Variants in NLGN4Y observed in about 807,000 individuals in gnomAD.
NLGN4Y encodes neuroligin 4 Y-linked, also known as neuroligin-4, Y-linked.
In NLGN4Y, 4 loss-of-function variants were observed where a neutral mutation model predicts 8.4. That is an observed-to-expected ratio of 0.48 (90% CI 0.23 to 1.09). The LOEUF is 1.09. NLGN4Y is among the 50% of genes least tolerant of loss of function. The probability of loss-of-function intolerance (pLI) is 0.19; values close to 1 mark genes in which losing one functional copy is unlikely to be tolerated. For missense variants in NLGN4Y, 90 were observed against 192.3 expected (o/e 0.47, Z 3.15); for synonymous variants, 35 against 75.6 (o/e 0.46, Z 2.78).
intron 1 of NLGN4Y, among the ~76,000 whole-genome samples, chrY:14,551,642 C>T: frequency 9.0e-5 from 3 of 33,447 alleles, no homozygotes; most frequent in South Asian, 1.3e-3. Context: ...CAAAACTGCA[C>T]AACTACGTGG....
chrY:14,668,465 G>A (rs2080699411), intron 2 of NLGN4Y, among the ~76,000 whole-genome samples: 2 of 33,076 alleles, frequency 6.0e-5, no homozygotes, highest in Non-Finnish European at 1.5e-4. Flanking sequence ...CAAATGTTAC[G>A]CAAATAGTAT....
intron 1 of NLGN4Y, among the ~76,000 whole-genome samples, chrY:14,575,382 G>A (rs551418422): frequency 3.0e-5 from 1 of 33,037 alleles, no homozygotes; most frequent in African/African-American, 1.2e-4. Flanking sequence ...TGATCACATC[G>A]GCTACTGAGG....
At chrY:14,605,095 T>C (rs2150499954) in intron 1 of NLGN4Y, among the ~76,000 whole-genome samples, 1 of 32,644 alleles carries the variant, frequency 3.1e-5, no homozygotes, top group South Asian at 6.8e-4. Context: ...GAGGTGCAGA[T>C]GATTCTGTCA....
At chrY:14,679,174 A>AT in intron 2 of NLGN4Y, among the ~76,000 whole-genome samples, 1 of 32,393 alleles carries the variant, frequency 3.1e-5, no homozygotes, top group African/African-American at 1.2e-4. Context: ...GGTAGAGATA[A>AT]TTTTTTTATC....
At chrY:14,546,653 T>C in intron 1 of NLGN4Y, among the ~76,000 whole-genome samples, 3 of 31,960 alleles carry the variant, frequency 9.4e-5, no homozygotes, top group African/African-American at 3.7e-4. Context: ...TGAAGTTGCC[T>C]ATGAGTTTAA....
chrY:14,571,913 T>C, intron 1 of NLGN4Y, among the ~76,000 whole-genome samples: 2 of 32,914 alleles, frequency 6.1e-5, no homozygotes, highest in Non-Finnish European at 1.5e-4. Flanking sequence ...GTTGTATATA[T>C]GCGACATTAT....
chrY:14,817,651 G>A, intron 4 of NLGN4Y, among the ~76,000 whole-genome samples: 3 of 33,137 alleles, frequency 9.1e-5, no homozygotes, highest in African/African-American at 3.5e-4. Context: ...ACCTGGACTT[G>A]AGAAGTGACC....
At chrY:14,684,531 G>A (rs2150534518) in intron 2 of NLGN4Y, among the ~76,000 whole-genome samples, 1 of 32,488 alleles carries the variant, frequency 3.1e-5, no homozygotes, top group South Asian at 7.1e-4. Context: ...CAAGAGAATG[G>A]GGGGAAGTAT....
intron 1 of NLGN4Y, among the ~76,000 whole-genome samples, chrY:14,614,949 G>GT (rs2080482784): frequency 4.8e-4 from 15 of 31,444 alleles, no homozygotes; most frequent in East Asian, 1.7e-3. Context: ...CTTTAAAGCA[G>GT]TTTTTTTGTT....
At chrY:14,828,211 A>G in intron 5 of NLGN4Y, among the ~76,000 whole-genome samples, 4 of 31,913 alleles carry the variant, frequency 1.3e-4, no homozygotes, top group Non-Finnish European at 3.0e-4. Flanking sequence ...CAGGAGTTAT[A>G]TTACTTTCCT....
chrY:14,677,407 T>C (rs766683992), intron 2 of NLGN4Y, among the ~76,000 whole-genome samples: 15 of 33,418 alleles, frequency 4.5e-4, no homozygotes, highest in African/African-American at 1.7e-3. Flanking sequence ...TCTGCTCATG[T>C]CTCCCTTTTC....
At chrY:14,768,608 G>A in intron 4 of NLGN4Y, among the ~76,000 whole-genome samples, 1 of 32,555 alleles carries the variant, frequency 3.1e-5, no homozygotes, top group Non-Finnish European at 7.4e-5. Context: ...TGCAAAAGCC[G>A]TATAGCCCAT....
intron 2 of NLGN4Y, among the ~76,000 whole-genome samples, chrY:14,699,751 A>T (rs2080843078): frequency 3.1e-5 from 1 of 32,257 alleles, no homozygotes; most frequent in Non-Finnish European, 7.5e-5. Flanking sequence ...TCACTCTTTT[A>T]GTGAATCTCA....
At chrY:14,764,584 A>G in intron 4 of NLGN4Y, among the ~76,000 whole-genome samples, 1 of 33,796 alleles carries the variant, frequency 3.0e-5, no homozygotes, top group Admixed American at 2.7e-4. Context: ...GGTGGGTTGT[A>G]AAAAACTGAC....
At chrY:14,594,733 G>A in intron 1 of NLGN4Y, among the ~76,000 whole-genome samples, 1 of 33,036 alleles carries the variant, frequency 3.0e-5, no homozygotes, top group African/African-American at 1.2e-4. Flanking sequence ...GTAGCCGCTC[G>A]AGGAAGGCAG....
At chrY:14,588,773 C>T (rs2080349821) in intron 1 of NLGN4Y, among the ~76,000 whole-genome samples, 8 of 32,379 alleles carry the variant, frequency 2.5e-4, no homozygotes, top group Admixed American at 1.4e-3. Flanking sequence ...CTTAAGGTGG[C>T]GCGTCTGGAG....
intron 1 of NLGN4Y, among the ~76,000 whole-genome samples, chrY:14,561,132 C>T (rs965787429): frequency 3.1e-5 from 1 of 32,523 alleles, no homozygotes; most frequent in Non-Finnish European, 7.5e-5. Context: ...ATGTGCAGAA[C>T]GTGCACTTTG....
At chrY:14,717,806 C>A in intron 2 of NLGN4Y, among the ~76,000 whole-genome samples, 1 of 32,984 alleles carries the variant, frequency 3.0e-5, no homozygotes, top group South Asian at 6.7e-4. Flanking sequence ...GCAATTTCAG[C>A]CCTAGATATG....
At chrY:14,565,561 T>A in intron 1 of NLGN4Y, among the ~76,000 whole-genome samples, 1 of 32,751 alleles carries the variant, frequency 3.1e-5, no homozygotes, top group Non-Finnish European at 7.4e-5. Context: ...TACCTGATAA[T>A]GACAGGGAGA....
Sources: allele counts gnomAD v4.1 joint callset (sites outside exome capture counted in the v4.1 genomes callset), GRCh38; gene constraint gnomAD v4.1.1; transcripts MANE v1.5; gene names NCBI Gene and HGNC (gene_info 2026-07-23, HGNC 2026-07-21).